The following SESN1 variants were observed in gnomAD, a reference collection of about 807,000 sequenced individuals.
The protein encoded by SESN1 is sestrin 1.
Under a neutral mutation model 59.3 loss-of-function variants are expected in SESN1, and 30 were observed. The ratio of observed to expected loss-of-function variants is 0.51; its 90% CI spans 0.38 to 0.69. The LOEUF is 0.69. Ranked by LOEUF, SESN1 falls within the 30% of genes least tolerant of loss-of-function variation. SESN1 has a pLI of 0.00. For synonymous variants in SESN1, 197 were observed against 219.9 expected (o/e 0.90, Z 0.92); for missense variants, 566 against 673.0 (o/e 0.84, Z 1.76).
At chr6:109,052,427 A>G (rs964955429) in intron 1 of SESN1, among the ~76,000 whole-genome samples, 1 of 152,178 alleles carries the variant, frequency 6.6e-6, no homozygotes, top group Non-Finnish European at 1.5e-5. Context: ...AAAGAAAGCC[A>G]CTGCTATTAT....
At chr6:109,012,395 A>G (rs960719814) in intron 1 of SESN1, among the ~76,000 whole-genome samples, 3 of 152,320 alleles carry the variant, frequency 2.0e-5, no homozygotes, top group African/African-American at 7.2e-5. Context: ...ATTTTGGTCA[A>G]CTTACTCAAC....
chr6:109,031,995 T>A (rs1780186953), intron 1 of SESN1, among the ~76,000 whole-genome samples: 2 of 152,226 alleles, frequency 1.3e-5, no homozygotes, highest in African/African-American at 4.8e-5. Flanking sequence ...GTAAATAATT[T>A]TGGCATAAAT....
chr6:109,081,160 C>A (rs974061917), intron 1 of SESN1, among the ~76,000 whole-genome samples: 2 of 152,122 alleles, frequency 1.3e-5, no homozygotes, highest in Non-Finnish European at 2.9e-5. Context: ...TGACTTACTG[C>A]AGCCTTGACC....
chr6:109,093,829 C>G lies in SESN1; in HGVS notation c.245G>C (p.Arg82Thr). The G allele has an allele frequency of 6.2e-7, 1 of 1,614,154 alleles. No homozygotes were observed. The highest frequency in any genetic ancestry group is 8.5e-7 in the Non-Finnish European group (1 of 1,180,008). ...CTTCAGAATAAACTCACTTTTCTCT[C>G]TCACATCTTTGAAGGGACACCTCTT... ...LSKRCPFKDV[R>T]EKSEFILKSI... Residue 82 changes from arginine (R) to threonine (T), a missense_variant, in exon 1 of 10, where the codon AGA becomes ACA. Arg to Thr is a moderately conservative substitution (Grantham distance 71). Coordinates refer to ENST00000436639, the MANE Select transcript of SESN1 (RefSeq NM_014454.3).
intron 5 of SESN1, among the ~76,000 whole-genome samples, chr6:108,995,819 A>G (rs1481175001): frequency 3.3e-5 from 5 of 151,696 alleles, no homozygotes; most frequent in Non-Finnish European, 7.4e-5. Context: ...TCAAATCTCA[A>G]TGTATACATA....
chr6:109,066,003 G>A (rs1465035385), intron 1 of SESN1, among the ~76,000 whole-genome samples: 1 of 151,994 alleles, frequency 6.6e-6, no homozygotes, highest in Non-Finnish European at 1.5e-5. Context: ...AAGTTTAAGA[G>A]GGATAAAAGA....
intron 4 of SESN1, chr6:108,999,995 G>A (rs944577954): frequency 2.0e-5 from 3 of 152,140 alleles, no homozygotes; most frequent in African/African-American, 7.2e-5. Flanking sequence ...GCATGAAGAA[G>A]CCTTAAATGG....
intron 1 of SESN1, among the ~76,000 whole-genome samples, chr6:109,053,671 C>CA (rs1780579979): frequency 6.6e-6 from 1 of 152,164 alleles, no homozygotes; most frequent in South Asian, 2.1e-4. Context: ...TTCCTAAATG[C>CA]AATGAGAAGG....
chr6:109,058,625 A>C (rs1377572128), intron 1 of SESN1, among the ~76,000 whole-genome samples: 3 of 152,230 alleles, frequency 2.0e-5, no homozygotes, highest in African/African-American at 7.2e-5. Context: ...ACAGAAGGAA[A>C]GTTTCATTTG....
chr6:109,020,855 TATC>T (rs1288633016), intron 1 of SESN1, among the ~76,000 whole-genome samples: 1 of 152,232 alleles, frequency 6.6e-6, no homozygotes, highest in Non-Finnish European at 1.5e-5. Context: ...TTTCTGTGAC[TATC>T]ATCATGAACA....
intron 1 of SESN1, among the ~76,000 whole-genome samples, chr6:109,072,421 T>C (rs890417893): frequency 6.6e-6 from 1 of 152,168 alleles, no homozygotes; most frequent in Admixed American, 6.5e-5. Flanking sequence ...ACAAGCATAA[T>C]TTCCCTAAGT....
intron 1 of SESN1, among the ~76,000 whole-genome samples, chr6:109,017,528 G>A (rs917586596): frequency 2.6e-5 from 4 of 152,034 alleles, no homozygotes; most frequent in Non-Finnish European, 4.4e-5. Context: ...CTCGTGATCC[G>A]CCTGCCTTGG....
At chr6:109,086,345 C>G (rs1781213338) in intron 1 of SESN1, among the ~76,000 whole-genome samples, 1 of 152,106 alleles carries the variant, frequency 6.6e-6, no homozygotes, top group Non-Finnish European at 1.5e-5. Context: ...GAGTGAGACT[C>G]CATCTCAAAA....
chr6:109,055,246 C>T (rs1462232894), intron 1 of SESN1, among the ~76,000 whole-genome samples: 4 of 152,020 alleles, frequency 2.6e-5, no homozygotes, highest in African/African-American at 9.7e-5. Context: ...ATCTAACTCC[C>T]TTCACTTTCC....
At chr6:108,994,827 C>T (rs940045681) in intron 5 of SESN1, among the ~76,000 whole-genome samples, 20 of 151,754 alleles carry the variant, frequency 1.3e-4, no homozygotes, top group African/African-American at 4.1e-4. Context: ...CTCGGCCTCC[C>T]GAGTAGCTGG....
intron 7 of SESN1, 76 bp from the exon 8 acceptor site, chr6:108,990,911 TA>T: frequency 7.9e-7 from 1 of 1,266,352 alleles, no homozygotes; most frequent in Admixed American, 2.4e-5. Context: ...TGTAGCATGG[TA>T]AAAATCATTG....
intron 7 of SESN1, among the ~76,000 whole-genome samples, chr6:108,991,281 G>T (rs781635326): frequency 2.8e-4 from 43 of 151,976 alleles, no homozygotes; most frequent in Non-Finnish European, 5.4e-4. Context: ...TCACTATGTT[G>T]TCCAGGCTAG....
chr6:109,036,558 CA>C (rs1646689482), intron 1 of SESN1, among the ~76,000 whole-genome samples: 1 of 152,126 alleles, frequency 6.6e-6, no homozygotes, highest in African/African-American at 2.4e-5. Context: ...GTGTATTTAT[CA>C]AATACTACTA....
chr6:109,030,638 A>G (rs1428994437), intron 1 of SESN1, among the ~76,000 whole-genome samples: 1 of 152,214 alleles, frequency 6.6e-6, no homozygotes, highest in African/African-American at 2.4e-5. Context: ...TAAGTCTGGA[A>G]TCTTCAAGAT....
Sources: gnomAD v4.1 joint callset for allele counts (sites outside exome capture counted in the v4.1 genomes callset) on GRCh38, gnomAD v4.1.1 for gene constraint, MANE v1.5 for transcripts, NCBI Gene and HGNC (gene_info 2026-07-23, HGNC 2026-07-21) for gene names.